KCNG3: variants seen among roughly 807,000 people sequenced by gnomAD.
The protein encoded by KCNG3 is voltage-gated potassium channel regulatory subunit KCNG3.
KCNG3 carries 15 observed loss-of-function variants against 29.0 expected under a neutral mutation model. That is an observed-to-expected ratio of 0.52 (90% CI 0.35 to 0.80). The LOEUF (loss-of-function observed/expected upper bound fraction) is 0.80, where lower values mean the gene tolerates loss of function less well. KCNG3 is among the 30% of genes least tolerant of loss of function. The pLI is 0.01. For missense variants in KCNG3, 512 were observed against 605.7 expected (o/e 0.85, Z 1.62); for synonymous variants, 322 against 248.9 (o/e 1.29, Z -2.76).
the KCNG3 span, among the ~76,000 whole-genome samples, chr2:42,392,058 G>A: frequency 6.6e-6 from 1 of 152,270 alleles, no homozygotes; most frequent in Admixed American, 6.5e-5. Flanking sequence ...AACAATTAGA[G>A]CATCTGAAAT....
In KCNG3 at chr2:42,479,190, G is replaced by A. The variant is rs551010728; in HGVS notation, c.665+13647C>T. Among the ~76,000 whole-genome samples the A allele has an allele frequency of 3.3e-5, 5 of 152,042 alleles. No individual in the cohort carries two copies. The East Asian group carries it at 7.7e-4, about 23-fold the overall frequency. ...TTGCCTCCCCAGCCACCAGATTTAC[G>A]AAGTCAGACTCAAGAATAGCTAAAC... On this transcript the variant is annotated intron_variant, in intron 1 of 1. Coordinates refer to ENST00000306078, the MANE Select transcript of KCNG3 (RefSeq NM_133329.6).
chr2:42,489,534 A>C (rs1034905603), intron 1 of KCNG3, among the ~76,000 whole-genome samples: 4 of 152,274 alleles, frequency 2.6e-5, no homozygotes, highest in Non-Finnish European at 5.9e-5. Flanking sequence ...GCTAAGAAGG[A>C]TATCATAGAT....
At chr2:42,492,571 C>T (rs561807266) in intron 1 of KCNG3, among the ~76,000 whole-genome samples, 1 of 152,358 alleles carries the variant, frequency 6.6e-6, no homozygotes, top group South Asian at 2.1e-4. Flanking sequence ...GGACATTTGT[C>T]TATCTCTACA....
intron 1 of KCNG3, among the ~76,000 whole-genome samples, chr2:42,480,225 G>A (rs1572862614): frequency 6.7e-6 from 1 of 148,570 alleles, no homozygotes; most frequent in African/African-American, 2.4e-5. Flanking sequence ...GCTTAGCATG[G>A]CTGGTTAGAA....
chr2:42,412,829 C>T, the KCNG3 span, among the ~76,000 whole-genome samples: 1 of 152,188 alleles, frequency 6.6e-6, no homozygotes, highest in African/African-American at 2.4e-5. Context: ...CCACACCTCA[C>T]CCCCAGCTAC....
intron 1 of KCNG3, chr2:42,463,741 C>T (rs10495897): frequency 0.082 from 15,706 of 190,802 alleles, 762 homozygotes; most frequent in South Asian, 0.17. Context: ...TGATCCTCCA[C>T]GCAATCTCGG....
At chr2:42,462,194 C>T (rs1673036168) in intron 1 of KCNG3, among the ~76,000 whole-genome samples, 1 of 152,214 alleles carries the variant, frequency 6.6e-6, no homozygotes, top group Non-Finnish European at 1.5e-5. Context: ...CAGCTTATAG[C>T]TGGAGCTCCT....
At chr2:42,460,003 A>T (rs537465290) in intron 1 of KCNG3, among the ~76,000 whole-genome samples, 2 of 151,118 alleles carry the variant, frequency 1.3e-5, no homozygotes, top group South Asian at 2.1e-4. Context: ...AGATGTTATC[A>T]TTGGGGAAAC....
intron 1 of KCNG3, among the ~76,000 whole-genome samples, chr2:42,467,264 G>A (rs1264282998): frequency 6.6e-6 from 1 of 152,044 alleles, no homozygotes; most frequent in South Asian, 2.1e-4. Flanking sequence ...TGCATACCGG[G>A]TCCAGATGAT....
chr2:42,428,945 C>A, the KCNG3 span, among the ~76,000 whole-genome samples: 1 of 151,872 alleles, frequency 6.6e-6, no homozygotes, highest in East Asian at 1.9e-4. Context: ...ATGGTGAAGC[C>A]CCATCTCTAC....
At chr2:42,475,365 G>A (rs544792499) in intron 1 of KCNG3, among the ~76,000 whole-genome samples, 19 of 136,706 alleles carry the variant, frequency 1.4e-4, no homozygotes, top group Admixed American at 8.1e-4. Flanking sequence ...TCGCTCTGTC[G>A]CCCAGGCTGG....
chr2:42,431,931 C>T, the KCNG3 span, among the ~76,000 whole-genome samples: 9 of 151,084 alleles, frequency 6.0e-5, no homozygotes, highest in Admixed American at 3.3e-4. Flanking sequence ...CCCAGCTACT[C>T]GGGAGGCTGA....
chr2:42,477,372 TACACACACATATATATACACACAC>T (rs1456404349), intron 1 of KCNG3, among the ~76,000 whole-genome samples: 2 of 101,728 alleles, frequency 2.0e-5, no homozygotes, highest in Non-Finnish European at 3.7e-5. Context: ...TACATATATA[TACACACACATATATATACACACAC>T]ACACACACAC....
chr2:42,396,877 A>G, the KCNG3 span, among the ~76,000 whole-genome samples: 2 of 152,142 alleles, frequency 1.3e-5, no homozygotes, highest in Non-Finnish European at 2.9e-5. Context: ...TTGTTATAGT[A>G]AAAAAAATTA....
the KCNG3 span, among the ~76,000 whole-genome samples, chr2:42,432,465 T>C: frequency 1.3e-5 from 2 of 152,120 alleles, no homozygotes; most frequent in African/African-American, 2.4e-5. Context: ...CCAAGATAGG[T>C]AAAGGAAGAG....
intron 1 of KCNG3, among the ~76,000 whole-genome samples, chr2:42,467,045 G>A (rs187854048): frequency 2.0e-5 from 3 of 152,004 alleles, no homozygotes; most frequent in East Asian, 1.9e-4. Flanking sequence ...GAGCCACTGC[G>A]CCCGGCCAAA....
chr2:42,472,163 A>T (rs1377536085), intron 1 of KCNG3, among the ~76,000 whole-genome samples: 1 of 152,224 alleles, frequency 6.6e-6, no homozygotes, highest in Non-Finnish European at 1.5e-5. Flanking sequence ...CTGAGACATG[A>T]ACAAAACTAT....
At chr2:42,439,652 A>ATTT (rs34205032), downstream of KCNG3, among the ~76,000 whole-genome samples, 29 of 148,246 alleles carry the variant, frequency 2.0e-4, no homozygotes, top group African/African-American at 6.7e-4. Context: ...ATAAAAAAAA[A>ATTT]TTTTTTTTTT....
chr2:42,409,328 A>G, the KCNG3 span, among the ~76,000 whole-genome samples: 1 of 152,152 alleles, frequency 6.6e-6, no homozygotes, highest in Non-Finnish European at 1.5e-5. Context: ...TGTGCTGGAA[A>G]TACAGGCATG....
Sources: allele counts gnomAD v4.1 joint callset (sites outside exome capture counted in the v4.1 genomes callset), GRCh38; gene constraint gnomAD v4.1.1; transcripts MANE v1.5; gene names NCBI Gene and HGNC (gene_info 2026-07-23, HGNC 2026-07-21).